UBR7: variants seen among roughly 807,000 people sequenced by gnomAD.
The protein encoded by UBR7 is ubiquitin protein ligase E3 component n-recognin 7, also known as putative E3 ubiquitin-protein ligase UBR7.
A neutral mutation model predicts 57.0 loss-of-function variants in UBR7; 22 were observed. The ratio of observed to expected loss-of-function variants is 0.39; its 90% CI spans 0.28 to 0.55. The LOEUF is 0.55. UBR7 is among the 20% of genes least tolerant of loss of function. The probability of loss-of-function intolerance (pLI) is 0.69; values close to 1 mark genes in which losing one functional copy is unlikely to be tolerated. For synonymous variants in UBR7, 167 were observed against 179.8 expected (o/e 0.93, Z 0.57); for missense variants, 395 against 513.2 (o/e 0.77, Z 2.23).
intron 4 of UBR7, 64 bp downstream of exon 4, chr14:93,212,191 G>A: frequency 8.0e-7 from 1 of 1,244,186 alleles, no homozygotes. Context: ...TCAACTGCTT[G>A]TCATATCCGA....
chr14:93,212,422 GA>G (rs1342596670), intron 4 of UBR7, among the ~76,000 whole-genome samples: 2 of 152,034 alleles, frequency 1.3e-5, no homozygotes, highest in Non-Finnish European at 2.9e-5. Context: ...CACTTTCTAA[GA>G]AATGACCTTC....
intron 10 of UBR7, among the ~76,000 whole-genome samples, chr14:93,224,755 A>G (rs1894811118): frequency 6.6e-6 from 1 of 152,158 alleles, no homozygotes; most frequent in Admixed American, 6.5e-5. Flanking sequence ...TACAGACTCA[A>G]GCTTCTTTGG....
chr14:93,219,965 C>T (rs940935176), intron 8 of UBR7, among the ~76,000 whole-genome samples: 15 of 140,018 alleles, frequency 1.1e-4, no homozygotes, highest in Admixed American at 1.0e-3. Flanking sequence ...ACGAGTGAAA[C>T]TCCATCTCAA....
chr14:93,208,712 A>G (rs908022730), intron 1 of UBR7, among the ~76,000 whole-genome samples: 8 of 152,144 alleles, frequency 5.3e-5, no homozygotes, highest in Non-Finnish European at 8.8e-5. Context: ...AAGAAAAAGA[A>G]ATAGAACCTT....
At chr14:93,221,710 C>G (rs2532901) in intron 9 of UBR7, among the ~76,000 whole-genome samples, 114,196 of 151,872 alleles carry the variant, frequency 0.75, 44,078 homozygotes, top group African/African-American at 0.93. Flanking sequence ...GGCTGGGCGC[C>G]ATGGCTCACG....
At chr14:93,216,295 C>A (rs1245734744) in intron 6 of UBR7, among the ~76,000 whole-genome samples, 1 of 152,222 alleles carries the variant, frequency 6.6e-6, no homozygotes, top group Non-Finnish European at 1.5e-5. Flanking sequence ...ATCCACTCAT[C>A]TTGGCTTCCC....
intron 10 of UBR7, among the ~76,000 whole-genome samples, chr14:93,225,385 G>C (rs566727942): frequency 3.3e-5 from 5 of 151,500 alleles, no homozygotes; most frequent in Admixed American, 3.3e-4. Flanking sequence ...CCAGCACTTT[G>C]GGAGGCTAAG....
chr14:93,216,485 TGCTTAG>T, intron 6 of UBR7, among the ~76,000 whole-genome samples: 1 of 152,354 alleles, frequency 6.6e-6, no homozygotes. Context: ...TGGTATCTGC[TGCTTAG>T]GCTTCATAAT....
intron 10 of UBR7, among the ~76,000 whole-genome samples, chr14:93,224,592 T>C (rs1227514896): frequency 3.9e-5 from 6 of 152,050 alleles, no homozygotes; most frequent in Admixed American, 2.6e-4. Context: ...TTAGCCAGGA[T>C]GGTCTCGATT....
intron 8 of UBR7, among the ~76,000 whole-genome samples, chr14:93,219,659 C>T (rs1240804289): frequency 6.6e-6 from 1 of 152,106 alleles, no homozygotes; most frequent in Admixed American, 6.6e-5. Context: ...ATCAAAGTTG[C>T]TTGGAAACAC....
At chr14:93,211,262 A>G (rs906825254) in intron 3 of UBR7, among the ~76,000 whole-genome samples, 2 of 151,510 alleles carry the variant, frequency 1.3e-5, no homozygotes, top group Non-Finnish European at 2.9e-5. Flanking sequence ...AAAACAATAA[A>G]TAGGCCGGGC....
chr14:93,215,407 C>T, intron 6 of UBR7, 126 bp downstream of exon 6: 3 of 892,678 alleles, frequency 3.4e-6, no homozygotes, highest in Non-Finnish European at 5.4e-6. Flanking sequence ...ATGTTCTGGC[C>T]AGGCATGGTG....
chr14:93,223,705 T>A, intron 10 of UBR7: 1 of 965,702 alleles, frequency 1.0e-6, no homozygotes, highest in South Asian at 1.3e-5. Flanking sequence ...AACTGCTTGA[T>A]GGCCGGCCGG....
chr14:93,210,635 C>G lies in UBR7; in HGVS notation c.285-13C>G. 1 of 1,591,032 alleles carries G rather than the reference C, an allele frequency of 6.3e-7. No homozygotes were observed. The highest frequency in any genetic ancestry group is 8.6e-7 in the Non-Finnish European group (1 of 1,165,932). On this transcript the variant is annotated splice_polypyrimidine_tract_variant and intron_variant, in intron 2 of 10. Transcript: ENST00000013070. ...AAAAGAAAAATAAAATTGTTATTTC[C>G]TCCTTTTTTCAGAAATTTTCGTTGT...
intron 8 of UBR7, 73 bp from the exon 9 acceptor site, chr14:93,220,176 G>T: frequency 6.7e-7 from 1 of 1,485,028 alleles, no homozygotes; most frequent in South Asian, 1.2e-5. Flanking sequence ...TCAGGAAATT[G>T]GCTTTCTGAG....
chr14:93,213,606 C>T (rs1419681302), intron 4 of UBR7, among the ~76,000 whole-genome samples: 1 of 152,048 alleles, frequency 6.6e-6, no homozygotes, highest in East Asian at 1.9e-4. Context: ...CGCGCCCAGC[C>T]AAAGAATAGT....
At chr14:93,222,151 C>T (rs558486409) in intron 9 of UBR7, among the ~76,000 whole-genome samples, 162 bp from the exon 10 acceptor site, 21 of 149,554 alleles carry the variant, frequency 1.4e-4, no homozygotes, top group African/African-American at 4.7e-4. Context: ...ACATGGTAGA[C>T]GTACAGATAA....
rs1033320530 is a variant in UBR7 at position 93,228,064 on chromosome 14, G to T, written c.*1029G>T. The T allele has an allele frequency of 7.2e-6, 5 of 692,656 alleles. No homozygotes were observed. The African/African-American group carries it at 8.8e-5, about 12-fold the overall frequency. 42.9% of individuals were successfully genotyped at this position (692,656 alleles called of 1,614,324 possible). On this transcript the variant is annotated 3_prime_UTR_variant, in exon 11 of 11. Coordinates refer to ENST00000013070, the MANE Select transcript of UBR7 (RefSeq NM_175748.4). The stretch of plus-strand genomic sequence containing the variant: ...AGCTTACTTGAAATAAGCAGGGCAG[G>T]GAGCCCTGTTTTGGAAGAGACAGAC...
At chr14:93,224,011 C>T in intron 10 of UBR7, 1 of 806,018 alleles carries the variant, frequency 1.2e-6, no homozygotes. Flanking sequence ...ACCAGAAGTC[C>T]CGGGACTTGG....
Sources: gnomAD v4.1 joint callset for allele counts (sites outside exome capture counted in the v4.1 genomes callset) on GRCh38, gnomAD v4.1.1 for gene constraint, MANE v1.5 for transcripts, NCBI Gene and HGNC (gene_info 2026-07-23, HGNC 2026-07-21) for gene names.